The following NOS2 variants were observed in gnomAD, a reference collection of about 807,000 sequenced individuals.
NOS2 encodes the protein nitric oxide synthase, inducible.
Under a neutral mutation model 136.0 loss-of-function variants are expected in NOS2, and 96 were observed. That is an observed-to-expected ratio of 0.71 (90% CI 0.60 to 0.84). The LOEUF is 0.84. Ranked by LOEUF, NOS2 falls within the 40% of genes least tolerant of loss-of-function variation. The pLI, the probability that NOS2 is intolerant of heterozygous loss-of-function variation, is 0.00. For missense variants in NOS2, 1,237 were observed against 1,496.9 expected (o/e 0.83, Z 2.87); for synonymous variants, 539 against 587.5 (o/e 0.92, Z 1.20).
At position 27,774,358 on chromosome 17, in the gene NOS2, C is replaced by T. The variant is rs1160471438; in HGVS notation, c.1375G>A (p.Ala459Thr). 2 of 1,583,000 alleles carry T rather than the reference C, an allele frequency of 1.3e-6. No individual in the cohort carries two copies. The highest frequency in any genetic ancestry group is 8.6e-7 in the Non-Finnish European group (1 of 1,164,676). ...GGAGGGACCAGCCAAATCCAGTCTGCCGGGCAGCCCCCACGGGACCGGTAT... is the reference window on the plus strand; with the variant it reads ...GGAGGGACCAGCCAAATCCAGTCTGTCGGGCAGCCCCCACGGGACCGGTAT... ...NEYRSRGGCP[A>T]DWIWLVPPMS... The change falls in exon 12 of 27, where the codon GCA becomes ACA. Residue 459 changes from alanine to threonine, a missense_variant. Coordinates refer to ENST00000313735, the MANE Select transcript of NOS2 (RefSeq NM_000625.4).
At chr17:27,761,942 G>A (rs1425922221) in intron 22 of NOS2, among the ~76,000 whole-genome samples, 1 of 152,190 alleles carries the variant, frequency 6.6e-6, no homozygotes, top group Non-Finnish European at 1.5e-5. Context: ...TTCTCTAGCA[G>A]GGCAAATAGA....
chr17:27,772,569 G>A (rs1308974037), intron 13 of NOS2, 117 bp from the exon 14 acceptor site: 2 of 1,195,370 alleles, frequency 1.7e-6, no homozygotes, highest in Non-Finnish European at 2.3e-6. Flanking sequence ...TGAGGGAAAA[G>A]CAAGCTACGT....
In NOS2 at chr17:27,771,024, G is replaced by A; in HGVS notation, c.1705-7C>T. 6.2e-7 allele frequency: 1 copy of A among 1,610,430 alleles called. No individual in the cohort carries two copies. Among genetic ancestry groups the A allele is most frequent in the East Asian group, 2.2e-5 (1 of 44,824 alleles). The stretch of plus-strand genomic sequence containing the variant: ...ACTTATCCATGCAGACAACCTGGAT[G>A]GCACCCAAGTGGACATCAGCCCTCG... On this transcript the variant is annotated splice_polypyrimidine_tract_variant and splice_region_variant and intron_variant, in intron 14 of 26. Coordinates refer to ENST00000313735, the MANE Select transcript of NOS2 (RefSeq NM_000625.4).
chr17:27,772,501 CA>C, intron 13 of NOS2, 49 bp from the exon 14 acceptor site: 1 of 1,604,654 alleles, frequency 6.2e-7, no homozygotes, highest in African/African-American at 1.3e-5. Flanking sequence ...GTCAGCCTTC[CA>C]GAAGAAAATG....
intron 3 of NOS2, 85 bp downstream of exon 3, chr17:27,789,519 C>T: frequency 9.2e-7 from 1 of 1,092,290 alleles, no homozygotes; most frequent in Non-Finnish European, 1.4e-6. Context: ...CCTGCCCTCT[C>T]CAGCCCAGCT....
At chr17:27,796,614 C>G (rs935444856) in intron 2 of NOS2, among the ~76,000 whole-genome samples, 1 of 152,050 alleles carries the variant, frequency 6.6e-6, no homozygotes, top group East Asian at 1.9e-4. Flanking sequence ...GTAGGGTGCT[C>G]GCTCAGAACT....
In NOS2 at chr17:27,782,157, C is replaced by T. The variant is rs557358124; in HGVS notation, c.631-51G>A. The T allele has an allele frequency of 1.6e-5, 25 of 1,529,920 alleles. No individual in the cohort carries two copies. The Admixed American group carries it at 2.4e-4, about 15-fold the overall frequency. The allele number at this position is 1,529,920 out of a possible 1,614,324, so 94.8% of individuals were successfully genotyped here. On this transcript the variant is annotated intron_variant, in intron 6 of 26. Transcript: ENST00000313735. The stretch of plus-strand genomic sequence containing the variant: ...CCATCAAAGACTGGGTAGACAGAGG[C>T]TTTGAGGCTGATCAGAAGTCACTGG...
At chr17:27,760,588 G>A (rs963203924) in intron 24 of NOS2, 35 bp downstream of exon 24, 2 of 1,551,424 alleles carry the variant, frequency 1.3e-6, no homozygotes, top group Admixed American at 3.9e-5. Flanking sequence ...CTGGCCCCCT[G>A]GTGCCCCTCC....
At chr17:27,798,623 G>A in intron 2 of NOS2, 77 bp downstream of exon 2, 2 of 854,440 alleles carry the variant, frequency 2.3e-6, no homozygotes, top group Non-Finnish European at 4.1e-6. Context: ...GCAGAGAGAG[G>A]AATTCTGAGT....
In NOS2 at chr17:27,768,978, T is replaced by G; in HGVS notation, c.2033A>C (p.Lys678Thr). Residue 678 changes from lysine to threonine, a missense_variant and splice_region_variant, in exon 17 of 27, where the codon AAG (lysine) becomes ACG (threonine). By Grantham distance (78) the Lys-to-Thr change is moderately conservative (BLOSUM62 -1). This residue lies in a region of NOS2 where 782 missense variants were observed against 909.9 expected (regional missense o/e 0.86). Transcript: ENST00000313735. Reference sequence around the variant, plus strand: ...GGGCAGCTCTGGCTGGGAACTGACCTTGAAGGTTTGCACGGCCCAGCTGCG... The same window carrying G: ...GGGCAGCTCTGGCTGGGAACTGACCGTGAAGGTTTGCACGGCCCAGCTGCG... ...AFRSWAVQTF[K>T]AACETFDVRG... is the part of the protein sequence containing the mutation. The G allele has an allele frequency of 6.2e-7, 1 of 1,601,558 alleles. No individual in the cohort carries two copies. The highest frequency in any genetic ancestry group is 8.5e-7 in the Non-Finnish European group (1 of 1,173,844).
At position 27,773,255 on chromosome 17, in the gene NOS2, A is replaced by G. The variant is rs1908556164; in HGVS notation, c.1477-12T>C. ...TTCCAGGCCTCTACCTTCAGAAAAG[A>G]AAGGAGATGTGAGGGCAGGGCGGGG... is the stretch of plus-strand genomic sequence containing the variant. On this transcript the variant is annotated splice_polypyrimidine_tract_variant and intron_variant, in intron 12 of 26. Transcript: ENST00000313735. 1 of 1,608,748 alleles carries G rather than the reference A, an allele frequency of 6.2e-7. No individual in the cohort carries two copies. The highest frequency in any genetic ancestry group is 8.5e-7 in the Non-Finnish European group (1 of 1,175,740).
intron 9 of NOS2, among the ~76,000 whole-genome samples, chr17:27,779,436 T>C (rs922782314): frequency 3.3e-5 from 5 of 151,932 alleles, no homozygotes; most frequent in Non-Finnish European, 5.9e-5. Context: ...TGAACTACCT[T>C]GTCTGGCGCT....
intron 5 of NOS2, among the ~76,000 whole-genome samples, chr17:27,784,378 A>C (rs1379959870): frequency 1.3e-5 from 2 of 152,200 alleles, no homozygotes; most frequent in African/African-American, 4.8e-5. Flanking sequence ...TTTATCCCCA[A>C]GGACACCCCT....
intron 2 of NOS2, among the ~76,000 whole-genome samples, chr17:27,790,250 C>CACCTGGCT (rs1259925871): frequency 1.3e-5 from 2 of 152,176 alleles, no homozygotes; most frequent in Non-Finnish European, 2.9e-5. Flanking sequence ...CACACCACCA[C>CACCTGGCT]ACCTGGCTAA....
At chr17:27,775,524 C>A (rs1908630678) in intron 11 of NOS2, among the ~76,000 whole-genome samples, 1 of 152,196 alleles carries the variant, frequency 6.6e-6, no homozygotes, top group African/African-American at 2.4e-5. Flanking sequence ...ATCGCTTGAA[C>A]CCGGGAGGCG....
chr17:27,778,722 C>T lies in NOS2; in HGVS notation c.1249G>A (p.Glu417Lys), dbSNP rs778803859. The stretch of plus-strand genomic sequence containing the variant: ...CTATGGAGCACAGCAATGTTGATCT[C>T]AACGACAGCCTGGTCTTTCCAGAGC... ...ASLWKDQAVV[E>K]INIAVLHSFQ... Residue 417 changes from glutamate to lysine, a missense_variant, in exon 11 of 27, where the codon GAG (glutamate) becomes AAG (lysine). Around this residue, in one of 3 missense-constraint regions of NOS2, gnomAD observed 440 missense variants for 545.4 expected, o/e 0.81. Coordinates refer to ENST00000313735, the MANE Select transcript of NOS2 (RefSeq NM_000625.4). 1 of 1,614,194 alleles carries T rather than the reference C, an allele frequency of 6.2e-7. No homozygotes were observed. Among genetic ancestry groups the T allele is most frequent in the South Asian group, 1.1e-5 (1 of 91,078 alleles).
Position 27,766,533 on chromosome 17 carries a change from C to G in NOS2, c.2223G>C (p.Gln741His). 6.2e-7 allele frequency: 1 copy of G among 1,614,172 alleles called. No individual in the cohort carries two copies. Among genetic ancestry groups the G allele is most frequent in the East Asian group, 2.2e-5 (1 of 44,886 alleles). Residue 741 changes from glutamine (Q) to histidine (H), a missense_variant, in exon 19 of 27, where the codon CAG becomes CAC. By Grantham distance (24) the Gln-to-His change is conservative. Transcript: ENST00000313735. ...ACCTGGATGTCGGACTTTGTAGATT[C>G]TGCCGAGATTTGAGCCTCATGGTGA... ...NVFTMRLKSRQNLQSPTSSRA... is the reference protein window; with the variant it reads ...NVFTMRLKSRHNLQSPTSSRA...
intron 9 of NOS2, 117 bp downstream of exon 9, chr17:27,780,650 T>C: frequency 7.4e-7 from 1 of 1,347,270 alleles, no homozygotes; most frequent in Non-Finnish European, 1.0e-6. Context: ...CCCCTGAGTG[T>C]CACCTGCTGC....
At chr17:27,766,489 A>C in intron 19 of NOS2, 21 bp downstream of exon 19, 1 of 1,597,858 alleles carries the variant, frequency 6.3e-7, no homozygotes, top group Non-Finnish European at 8.6e-7. Flanking sequence ...ATCACCCACG[A>C]AGCCCTGCAC....
Sources: gnomAD v4.1 joint callset for allele counts (sites outside exome capture counted in the v4.1 genomes callset) on GRCh38, gnomAD v4.1.1 for gene constraint, gnomAD v4.1.1 regional missense constraint, MANE v1.5 for transcripts, NCBI Gene and HGNC (gene_info 2026-07-23, HGNC 2026-07-21) for gene names.